KIAA1328: variants seen among roughly 807,000 people sequenced by gnomAD.
KIAA1328 encodes KIAA1328, also known as protein hinderin.
In KIAA1328, 52 loss-of-function variants were observed where a neutral mutation model predicts 68.1. The ratio of observed to expected loss-of-function variants is 0.76; its 90% confidence interval spans 0.61 to 0.96. The LOEUF (loss-of-function observed/expected upper bound fraction) is 0.96, where lower values mean the gene tolerates loss of function less well. Ranked by LOEUF, KIAA1328 falls within the 40% of genes least tolerant of loss-of-function variation. The pLI is 0.00. For synonymous variants in KIAA1328, 232 were observed against 239.4 expected, an observed-to-expected ratio of 0.97 and a Z score of 0.28; for missense variants, 641 against 677.6, an observed-to-expected ratio of 0.95 and a Z score of 0.60.
chr18:37,115,282 C>T (rs1417876315), intron 7 of KIAA1328, among the ~76,000 whole-genome samples: 16 of 152,184 alleles, frequency 1.1e-4, no homozygotes, highest in African/African-American at 2.9e-4. Flanking sequence ...ACTGGCAAAC[C>T]GAATCCAGCA....
chr18:37,037,022 G>A (rs1405791756), intron 6 of KIAA1328, among the ~76,000 whole-genome samples: 2 of 152,072 alleles, frequency 1.3e-5, no homozygotes. Flanking sequence ...ATCACTCTTA[G>A]CAGTAAAGAA....
intron 4 of KIAA1328, among the ~76,000 whole-genome samples, chr18:36,859,400 C>A (rs1212989370): frequency 1.3e-5 from 2 of 151,718 alleles, no homozygotes; most frequent in African/African-American, 4.8e-5. Context: ...TATATATTGG[C>A]ATAAAGTTGT....
intron 6 of KIAA1328, among the ~76,000 whole-genome samples, chr18:36,986,573 G>T (rs565120038): frequency 1.1e-5 from 1 of 88,872 alleles, no homozygotes; most frequent in East Asian, 3.0e-4. Flanking sequence ...GAAAATTTTC[G>T]CAACCTACTC....
chr18:36,966,681 G>T (rs966259784), intron 6 of KIAA1328, among the ~76,000 whole-genome samples: 26 of 152,152 alleles, frequency 1.7e-4, no homozygotes, highest in Non-Finnish European at 8.8e-5. Flanking sequence ...TTTTATTTCT[G>T]TTGATTACCA....
chr18:37,063,532 A>G, intron 6 of KIAA1328: 11 of 495,346 alleles, frequency 2.2e-5, no homozygotes, highest in Non-Finnish European at 2.6e-5. Context: ...TCCTCCCTAC[A>G]CTCAAGGAAA....
chr18:37,022,182 C>CA (rs1308024840), intron 6 of KIAA1328, among the ~76,000 whole-genome samples: 2 of 152,118 alleles, frequency 1.3e-5, no homozygotes, highest in Non-Finnish European at 1.5e-5. Context: ...TTAAGAAAGG[C>CA]AGACCGGCTG....
intron 5 of KIAA1328, among the ~76,000 whole-genome samples, chr18:36,956,008 A>G (rs981388870): frequency 2.0e-5 from 3 of 150,932 alleles, no homozygotes; most frequent in Admixed American, 6.6e-5. Flanking sequence ...CGGCCCTTCC[A>G]CTCTCCACCT....
At chr18:37,128,027 C>T (rs2058434906) in intron 7 of KIAA1328, among the ~76,000 whole-genome samples, 1 of 151,974 alleles carries the variant, frequency 6.6e-6, no homozygotes, top group South Asian at 2.1e-4. Context: ...TGAGTCTTAC[C>T]TGACATTATA....
At chr18:36,884,270 C>T (rs72887017) in intron 4 of KIAA1328, among the ~76,000 whole-genome samples, 20,590 of 152,028 alleles carry the variant, frequency 0.14, 1,737 homozygotes, top group Admixed American at 0.18. Flanking sequence ...TCTGAATTCT[C>T]TGTAAATATA....
chr18:36,963,663 A>G (rs150718397), intron 6 of KIAA1328, among the ~76,000 whole-genome samples: 1 of 152,330 alleles, frequency 6.6e-6, no homozygotes, highest in Non-Finnish European at 1.5e-5. Context: ...CAGTGATGAC[A>G]CTGACCTAAT....
At chr18:36,918,799 A>G (rs982421244) in intron 5 of KIAA1328, among the ~76,000 whole-genome samples, 1 of 152,096 alleles carries the variant, frequency 6.6e-6, no homozygotes, top group African/African-American at 2.4e-5. Flanking sequence ...ATGAAGTACT[A>G]TATTTGCATT....
chr18:37,055,097 G>C (rs765653748), intron 6 of KIAA1328, among the ~76,000 whole-genome samples: 3 of 152,122 alleles, frequency 2.0e-5, no homozygotes, highest in Non-Finnish European at 4.4e-5. Flanking sequence ...AAATGTTTTT[G>C]ACTGCTCCAT....
At chr18:36,921,373 A>C (rs1033211023) in intron 5 of KIAA1328, among the ~76,000 whole-genome samples, 1 of 152,120 alleles carries the variant, frequency 6.6e-6, no homozygotes, top group Non-Finnish European at 1.5e-5. Context: ...ATAGCCTATA[A>C]AATTAGGAGT....
intron 9 of KIAA1328, among the ~76,000 whole-genome samples, chr18:37,206,126 A>G (rs2212645): frequency 9.8e-4 from 149 of 152,274 alleles, no homozygotes; most frequent in Admixed American, 2.7e-3. Context: ...AAATGTATAC[A>G]TTGTAAAATT....
intron 5 of KIAA1328, among the ~76,000 whole-genome samples, chr18:36,909,289 C>G (rs985712531): frequency 1.3e-5 from 2 of 150,412 alleles, no homozygotes; most frequent in Non-Finnish European, 3.0e-5. Flanking sequence ...CGCCTCCCCC[C>G]ACCCCACGAC....
rs1384364522 is a variant in KIAA1328 at position 36,829,208 on chromosome 18, C to T, written c.58+12C>T. Reference sequence around the variant, plus strand: ...CTGGAGCCGGGACTGTATCCTTTGCCCGCCTGACAGGGGGCGCCGGCGCCC... The same window carrying T: ...CTGGAGCCGGGACTGTATCCTTTGCTCGCCTGACAGGGGGCGCCGGCGCCC... On this transcript the variant is annotated intron_variant, in intron 1 of 9. Coordinates refer to ENST00000280020, the MANE Select transcript of KIAA1328 (RefSeq NM_020776.3). The T allele has an allele frequency of 6.6e-7, 1 of 1,515,096 alleles. No individual in the cohort carries two copies. The highest frequency in any genetic ancestry group is 8.8e-7 in the Non-Finnish European group (1 of 1,133,544). The allele number at this position is 1,515,096 out of a possible 1,614,324, so 93.9% of individuals were successfully genotyped here.
intron 6 of KIAA1328, among the ~76,000 whole-genome samples, chr18:37,033,970 A>G (rs2054931354): frequency 6.6e-6 from 1 of 152,212 alleles, no homozygotes; most frequent in Non-Finnish European, 1.5e-5. Flanking sequence ...GGTTTCAGGC[A>G]TTGTTCAGAC....
At chr18:37,039,984 A>G (rs2055183358) in intron 6 of KIAA1328, among the ~76,000 whole-genome samples, 1 of 152,160 alleles carries the variant, frequency 6.6e-6, no homozygotes, top group Non-Finnish European at 1.5e-5. Flanking sequence ...GCGGTCTTCC[A>G]TCTGAGGGCC....
At chr18:37,146,721 T>A (rs1384380053) in intron 7 of KIAA1328, among the ~76,000 whole-genome samples, 1 of 152,216 alleles carries the variant, frequency 6.6e-6, no homozygotes, top group Non-Finnish European at 1.5e-5. Flanking sequence ...GATTACAATA[T>A]GTGTCCCTAA....
Sources: allele counts gnomAD v4.1 joint callset (sites outside exome capture counted in the v4.1 genomes callset), GRCh38; gene constraint gnomAD v4.1.1; transcripts MANE v1.5; gene names NCBI Gene and HGNC (gene_info 2026-07-23, HGNC 2026-07-21).